Variants in PPA2 observed in about 807,000 individuals in gnomAD.
PPA2 encodes inorganic pyrophosphatase 2.
Under a neutral mutation model 49.5 loss-of-function variants are expected in PPA2, and 48 were observed. The observed-to-expected ratio is 0.97, with a 90% CI of 0.77 to 1.23. The LOEUF is 1.23. PPA2 is among the 50% of genes most tolerant of loss of function. PPA2 has a pLI of 0.00. For synonymous variants in PPA2, 131 were observed against 139.9 expected, an observed-to-expected ratio of 0.94 and a Z score of 0.45; for missense variants, 429 against 410.1, an observed-to-expected ratio of 1.05 and a Z score of -0.40.
At chr4:105,415,105 G>C (rs1461561044) in intron 7 of PPA2, among the ~76,000 whole-genome samples, 3 of 152,166 alleles carry the variant, frequency 2.0e-5, no homozygotes, top group Non-Finnish European at 4.4e-5. Flanking sequence ...GGGCAGCCAT[G>C]GTTAGGCCCA....
At chr4:105,419,237 A>T (rs1353191642) in intron 7 of PPA2, among the ~76,000 whole-genome samples, 2 of 152,144 alleles carry the variant, frequency 1.3e-5, no homozygotes, top group African/African-American at 4.8e-5. Context: ...TACATGTGCC[A>T]TGTTGGTGTG....
Position 105,453,626 on chromosome 4 carries a change from A to C in PPA2, c.239T>G (p.Met80Arg), listed in dbSNP as rs1196263574. 5.0e-6 allele frequency: 8 copies of C among 1,607,462 alleles called. No individual in the cohort carries two copies. Among genetic ancestry groups the C allele is most frequent in the Non-Finnish European group, 6.8e-6 (8 of 1,176,922 alleles). Residue 80 changes from methionine (M) to arginine (R), a missense_variant, in exon 3 of 12, where the codon ATG becomes AGG. Coordinates refer to ENST00000341695, the MANE Select transcript of PPA2 (RefSeq NM_176869.3). ...ATATTCATCATTTCGTGCTTTCTTC[A>C]TAGGAATGCCATTTTCCTATAAAAG... Reference protein sequence around the residue: ...VNSKEENGIPMKKARNDEYEN... With the variant: ...VNSKEENGIPRKKARNDEYEN...
At chr4:105,460,877 A>ATATATATATATAT (rs1553929836) in intron 1 of PPA2, among the ~76,000 whole-genome samples, 1 of 151,506 alleles carries the variant, frequency 6.6e-6, no homozygotes, top group Non-Finnish European at 1.5e-5. Flanking sequence ...ATAGTTTTCT[A>ATATATATATATAT]ATTGTCATTT....
At chr4:105,405,078 G>C in intron 7 of PPA2, 2 of 434,056 alleles carry the variant, frequency 4.6e-6, no homozygotes, top group Non-Finnish European at 6.1e-6. Flanking sequence ...GTGAGACTCC[G>C]CCTCAAAAAT....
In PPA2 at chr4:105,446,185, T is replaced by C. The variant is rs576920829; in HGVS notation, c.441+198A>G. 7.3e-5 allele frequency: 31 copies of C among 423,172 alleles called. No homozygotes were observed. In the East Asian group the frequency reaches 1.1e-3, roughly 15 times the overall value. 26.2% of individuals were successfully genotyped at this position (423,172 alleles called of 1,614,324 possible). A position where few individuals can be genotyped will look rare whatever the true frequency, so the allele number is the denominator to read the frequency against. On this transcript the variant is annotated intron_variant, in intron 5 of 11. Coordinates refer to ENST00000341695, the MANE Select transcript of PPA2 (RefSeq NM_176869.3). Reference sequence around the variant, plus strand: ...ATTCCATATGCCTGACTCCAAGAACTTGAGTATAGACATATATATGGTTTA... The same window carrying C: ...ATTCCATATGCCTGACTCCAAGAACCTGAGTATAGACATATATATGGTTTA...
chr4:105,446,316 T>G lies in PPA2; in HGVS notation c.441+67A>C, dbSNP rs951618419. ...TCAGAACCAATTTAAATTCAGTAGT[T>G]CACAGGATTTATAAGGCAATTTTTT... On this transcript the variant is annotated intron_variant, in intron 5 of 11. Transcript: ENST00000341695. 14 of 1,459,564 alleles carry G rather than the reference T, an allele frequency of 9.6e-6. No homozygotes were observed. The Admixed American group carries it at 3.3e-4, about 34-fold the overall frequency. The allele number at this position is 1,459,564 out of a possible 1,614,324, so 90.4% of individuals were successfully genotyped here. A position where few individuals can be genotyped will look rare whatever the true frequency, so the allele number is the denominator to read the frequency against.
chr4:105,382,683 A>T (rs1733534765), intron 10 of PPA2, among the ~76,000 whole-genome samples: 1 of 152,108 alleles, frequency 6.6e-6, no homozygotes. Context: ...GGTGAAGGTT[A>T]AAAAAATAAA....
At chr4:105,389,212 T>C (rs1388003528) in intron 9 of PPA2, among the ~76,000 whole-genome samples, 2 of 152,150 alleles carry the variant, frequency 1.3e-5, no homozygotes, top group African/African-American at 2.4e-5. Context: ...CATGTAAAAA[T>C]AGTTGTTTAA....
intron 7 of PPA2, among the ~76,000 whole-genome samples, chr4:105,401,861 T>C (rs1031644261): frequency 7.2e-5 from 11 of 152,242 alleles, no homozygotes; most frequent in African/African-American, 2.7e-4. Flanking sequence ...TTATGTATGC[T>C]GACTCTGGCA....
intron 6 of PPA2, among the ~76,000 whole-genome samples, chr4:105,424,788 A>G (rs1723418718): frequency 6.6e-6 from 1 of 152,236 alleles, no homozygotes; most frequent in Non-Finnish European, 1.5e-5. Flanking sequence ...AGGATGAGGC[A>G]GCTGGAATTT....
At chr4:105,466,174 A>C (rs6533196) in intron 1 of PPA2, among the ~76,000 whole-genome samples, 132,369 of 152,056 alleles carry the variant, frequency 0.87, 57,932 homozygotes, top group African/African-American at 0.9. Context: ...CTTCACAGCC[A>C]ACTCTTCCTT....
chr4:105,429,683 C>G (rs1723707828), intron 6 of PPA2, among the ~76,000 whole-genome samples: 1 of 152,098 alleles, frequency 6.6e-6, no homozygotes, highest in Non-Finnish European at 1.5e-5. Flanking sequence ...GACACTCACA[C>G]TAAATAGAAA....
intron 1 of PPA2, among the ~76,000 whole-genome samples, chr4:105,471,229 G>A (rs1723510731): frequency 6.6e-6 from 1 of 152,130 alleles, no homozygotes; most frequent in Admixed American, 6.5e-5. Context: ...TAAAAAATGA[G>A]ATGCAGGGAG....
intron 7 of PPA2, among the ~76,000 whole-genome samples, chr4:105,409,421 T>C (rs1198967397): frequency 6.6e-6 from 1 of 152,132 alleles, no homozygotes; most frequent in Non-Finnish European, 1.5e-5. Context: ...TGGACCTCAG[T>C]GCCCCTCTGC....
intron 7 of PPA2, among the ~76,000 whole-genome samples, chr4:105,415,067 G>A (rs1242377453): frequency 2.0e-5 from 3 of 152,164 alleles, no homozygotes; most frequent in Non-Finnish European, 2.9e-5. Context: ...GGGCTCAGGA[G>A]GGAGGAAGTG....
At chr4:105,385,336 CT>C (rs1262988316) in intron 10 of PPA2, among the ~76,000 whole-genome samples, 1 of 116,608 alleles carries the variant, frequency 8.6e-6, no homozygotes, top group Non-Finnish European at 1.9e-5. Flanking sequence ...GTTTTTGTGT[CT>C]TTTCTTTAAT....
At chr4:105,460,666 G>T (rs72952296) in intron 1 of PPA2, among the ~76,000 whole-genome samples, 4,939 of 152,118 alleles carry the variant, frequency 0.032, 262 homozygotes, top group African/African-American at 0.11. Context: ...TCAGCTCTAA[G>T]AATCCAGGAA....
chr4:105,435,444 A>ATG (rs1280667425), intron 6 of PPA2, among the ~76,000 whole-genome samples: 2 of 152,164 alleles, frequency 1.3e-5, no homozygotes, highest in African/African-American at 4.8e-5. Context: ...GCACACAGTC[A>ATG]TCAAGGTCTA....
intron 9 of PPA2, among the ~76,000 whole-genome samples, chr4:105,388,852 A>C: frequency 6.7e-6 from 1 of 148,530 alleles, no homozygotes; most frequent in East Asian, 2.0e-4. Context: ...AAAAAAAATT[A>C]GCTGTTTTAA....
Sources: allele counts gnomAD v4.1 joint callset (sites outside exome capture counted in the v4.1 genomes callset), GRCh38; gene constraint gnomAD v4.1.1; transcripts MANE v1.5; gene names NCBI Gene and HGNC (gene_info 2026-07-23, HGNC 2026-07-21).